Variants in SORCS3 observed in about 807,000 individuals in gnomAD.
SORCS3 encodes the protein sortilin related VPS10 domain containing receptor 3, also known as VPS10 domain-containing receptor SorCS3.
A neutral mutation model predicts 146.3 loss-of-function variants in SORCS3; 57 were observed. The ratio of observed to expected loss-of-function variants is 0.39; its 90% CI spans 0.31 to 0.49. The LOEUF is 0.49. SORCS3 is among the 20% of genes least tolerant of loss of function. SORCS3 has a pLI of 0.92. For synonymous variants in SORCS3, 653 were observed against 618.5 expected (o/e 1.06, Z -0.83); for missense variants, 1,341 against 1,575.5 (o/e 0.85, Z 2.52).
intron 2 of SORCS3, among the ~76,000 whole-genome samples, chr10:104,870,248 G>A (rs555898039): frequency 2.8e-4 from 42 of 152,142 alleles, no homozygotes; most frequent in African/African-American, 9.9e-4. Flanking sequence ...TTTATATATT[G>A]GTCCTGCACC....
In SORCS3 at chr10:104,641,606, G is replaced by A. The variant is rs949567349; in HGVS notation, c.279G>A (p.Gln93=). Residue 93 remains glutamine (Q), a synonymous_variant, in exon 1 of 27, where the codon CAG becomes CAA. Transcript: ENST00000369701. This position sits in a 1 kb window ranked among gnomAD's most constrained non-coding sequence, Gnocchi z 6.4. ...CCGGACCAGAGCTGCTGCCCCAGCA[G>A]GGCGGCGGCAGAGGCGGTGAGATGC... ...RRAGPELLPQ[Q]GGGRGGEMQV... is the part of the protein sequence containing the mutation. 5.9e-6 allele frequency: 9 copies of A among 1,518,082 alleles called. No homozygotes were observed. The highest frequency in any genetic ancestry group is 4.0e-5 in the Admixed American group (2 of 49,444). The allele number at this position is 1,518,082 out of a possible 1,614,324, so 94.0% of individuals were successfully genotyped here. A position where few individuals can be genotyped will look rare whatever the true frequency, so the allele number is the denominator to read the frequency against.
chr10:104,829,289 TACA>T (rs1297224692), intron 1 of SORCS3, among the ~76,000 whole-genome samples: 2 of 152,288 alleles, frequency 1.3e-5, no homozygotes, highest in South Asian at 4.1e-4. Flanking sequence ...TGGAGGTATG[TACA>T]ACAAGTTAGG....
chr10:104,659,055 C>G (rs2015668598), intron 1 of SORCS3, among the ~76,000 whole-genome samples: 1 of 152,036 alleles, frequency 6.6e-6, no homozygotes, highest in Non-Finnish European at 1.5e-5. Context: ...TATAAATGTA[C>G]AGATATTTTT....
At chr10:105,125,312 C>G (rs10884097) in intron 7 of SORCS3, among the ~76,000 whole-genome samples, 1 of 152,028 alleles carries the variant, frequency 6.6e-6, no homozygotes, top group Non-Finnish European at 1.5e-5. Context: ...ACAACTGACA[C>G]GAATTAAGTG....
intron 1 of SORCS3, among the ~76,000 whole-genome samples, chr10:104,686,910 C>A (rs549732728): frequency 6.7e-6 from 1 of 149,000 alleles, no homozygotes; most frequent in East Asian, 2.1e-4. Context: ...TCCGTCTTTC[C>A]ATCTGTCAAT....
intron 4 of SORCS3, among the ~76,000 whole-genome samples, chr10:105,016,974 A>G (rs569593725): frequency 6.6e-6 from 1 of 152,356 alleles, no homozygotes; most frequent in East Asian, 1.9e-4. Flanking sequence ...TGGAATCAAG[A>G]GAGCAGTGTA....
At chr10:104,805,603 A>G (rs939674027) in intron 1 of SORCS3, among the ~76,000 whole-genome samples, 2 of 152,278 alleles carry the variant, frequency 1.3e-5, no homozygotes, top group Admixed American at 6.5e-5. Flanking sequence ...GGTGTGTGAT[A>G]GAATTTGACA....
chr10:104,827,580 C>T (rs72815642), intron 1 of SORCS3, among the ~76,000 whole-genome samples: 2 of 151,992 alleles, frequency 1.3e-5, no homozygotes, highest in Non-Finnish European at 2.9e-5. Flanking sequence ...AGAACACAAG[C>T]AGAGGAGATT....
At chr10:105,206,195 CTTTATAAAATATACAAAA>C (rs1194606384) in intron 16 of SORCS3, among the ~76,000 whole-genome samples, 1 of 152,054 alleles carries the variant, frequency 6.6e-6, no homozygotes, top group South Asian at 2.1e-4. Flanking sequence ...AATATACAAA[CTTTATAAAATATACAAAA>C]GAGTTATTGC....
chr10:104,944,133 T>A (rs1365167890), intron 3 of SORCS3, among the ~76,000 whole-genome samples: 1 of 152,294 alleles, frequency 6.6e-6, no homozygotes, highest in African/African-American at 2.4e-5. Flanking sequence ...TGTGGTCTTT[T>A]AAAAAATATA....
chr10:104,658,882 TG>T (rs991830743), intron 1 of SORCS3, among the ~76,000 whole-genome samples: 1 of 152,054 alleles, frequency 6.6e-6, no homozygotes, highest in Non-Finnish European at 1.5e-5. Flanking sequence ...GTTTTTTTTT[TG>T]GTTGTGACTA....
intron 3 of SORCS3, among the ~76,000 whole-genome samples, chr10:104,917,658 C>T (rs1330831721): frequency 2.0e-5 from 3 of 152,138 alleles, no homozygotes; most frequent in East Asian, 1.9e-4. Flanking sequence ...TTTAACCATT[C>T]GACCCCTGTT....
At chr10:105,215,463 C>T (rs572462278) in intron 18 of SORCS3, among the ~76,000 whole-genome samples, 1 of 152,250 alleles carries the variant, frequency 6.6e-6, no homozygotes, top group Admixed American at 6.5e-5. Flanking sequence ...GTCAGGAGCA[C>T]ACTGGACAGG....
intron 1 of SORCS3, among the ~76,000 whole-genome samples, chr10:104,696,243 CAT>C (rs1446476899): frequency 1.7e-5 from 2 of 114,872 alleles, no homozygotes; most frequent in Admixed American, 1.0e-4. Context: ...ATCATATACA[CAT>C]ATGATATATG....
At chr10:105,015,350 G>T (rs1242287993) in intron 4 of SORCS3, among the ~76,000 whole-genome samples, 2 of 152,164 alleles carry the variant, frequency 1.3e-5, no homozygotes, top group African/African-American at 4.8e-5. Flanking sequence ...ATAGCAAAAA[G>T]GCTGGAAGTA....
At chr10:104,970,779 CTG>C (rs764625563) in intron 3 of SORCS3, among the ~76,000 whole-genome samples, 62 of 152,132 alleles carry the variant, frequency 4.1e-4, no homozygotes, top group Non-Finnish European at 7.9e-4. Context: ...AGGGAAAGGA[CTG>C]TGAATTTTAG....
intron 5 of SORCS3, among the ~76,000 whole-genome samples, chr10:105,057,087 G>A (rs1342046342): frequency 6.6e-6 from 1 of 152,156 alleles, no homozygotes; most frequent in Non-Finnish European, 1.5e-5. Flanking sequence ...GAAGAACCAT[G>A]AGAGATTATG....
intron 23 of SORCS3, among the ~76,000 whole-genome samples, chr10:105,253,379 TG>T (rs1233708846): frequency 6.6e-6 from 1 of 152,236 alleles, no homozygotes; most frequent in Non-Finnish European, 1.5e-5. Context: ...CATGATTTTT[TG>T]GAGAGGGATG....
chr10:104,695,086 A>T (rs1194556412), intron 1 of SORCS3, among the ~76,000 whole-genome samples: 1 of 152,166 alleles, frequency 6.6e-6, no homozygotes, highest in Non-Finnish European at 1.5e-5. Context: ...GTCAAACTTC[A>T]TTATCAGAAG....
Sources: allele counts gnomAD v4.1 joint callset (sites outside exome capture counted in the v4.1 genomes callset), GRCh38; gene constraint gnomAD v4.1.1; non-coding constraint Gnocchi (gnomAD v3.1); transcripts MANE v1.5; gene names NCBI Gene and HGNC (gene_info 2026-07-23, HGNC 2026-07-21).